Variants in ABCC1 observed in about 807,000 individuals in gnomAD.
ABCC1 encodes multidrug resistance-associated protein 1.
A neutral mutation model predicts 172.9 loss-of-function variants in ABCC1; 83 were observed. The observed-to-expected ratio is 0.48, with a 90% CI of 0.40 to 0.58. The LOEUF is 0.58. Ranked by LOEUF, ABCC1 falls within the 20% of genes least tolerant of loss-of-function variation. The probability of loss-of-function intolerance (pLI) is 0.00; values close to 1 mark genes in which losing one functional copy is unlikely to be tolerated. For synonymous variants in ABCC1, 937 were observed against 825.2 expected (o/e 1.14, Z -2.32); for missense variants, 1,817 against 2,002.7 (o/e 0.91, Z 1.77).
intron 22 of ABCC1, among the ~76,000 whole-genome samples, chr16:16,113,807 G>T (rs1223643749): frequency 6.6e-6 from 1 of 152,232 alleles, no homozygotes; most frequent in African/African-American, 2.4e-5. Flanking sequence ...CATGGAAATG[G>T]TGGGTGGTGA....
chr16:16,028,741 G>T (rs948181681), intron 5 of ABCC1, among the ~76,000 whole-genome samples: 2 of 152,144 alleles, frequency 1.3e-5, no homozygotes, highest in African/African-American at 4.8e-5. Context: ...GCAGTCCCGG[G>T]GGATAGGTCG....
At chr16:16,075,580 G>A (rs1046010306) in intron 14 of ABCC1, among the ~76,000 whole-genome samples, 10 of 152,150 alleles carry the variant, frequency 6.6e-5, no homozygotes, top group African/African-American at 1.2e-4. Flanking sequence ...GCAGTAGGCC[G>A]AGATCGCACC....
At chr16:16,119,862 G>A (rs1380868839) in intron 23 of ABCC1, among the ~76,000 whole-genome samples, 1 of 152,172 alleles carries the variant, frequency 6.6e-6, no homozygotes, top group Non-Finnish European at 1.5e-5. Flanking sequence ...AGGAGATGTG[G>A]TCCAGGGTAA....
chr16:16,134,623 T>TTA, intron 28 of ABCC1, 115 bp downstream of exon 28: 2 of 535,054 alleles, frequency 3.7e-6, no homozygotes, highest in Non-Finnish European at 5.5e-6. Context: ...TACTTCATCG[T>TTA]TCTTTTTTTT....
chr16:16,045,750 G>A lies in ABCC1; in HGVS notation c.1041-86G>A, dbSNP rs760965035. On this transcript the variant is annotated intron_variant, in intron 8 of 30. Coordinates refer to ENST00000399410, the MANE Select transcript of ABCC1 (RefSeq NM_004996.4). ...AGTGTCTAGCTCATCTGGCTCAGGAGAAAGTTGCAGTGCCAACACTGAAGC... is the reference window on the plus strand; with the variant it reads ...AGTGTCTAGCTCATCTGGCTCAGGAAAAAGTTGCAGTGCCAACACTGAAGC... 1,863 of 1,333,076 alleles carry A rather than the reference G, an allele frequency of 1.4e-3. 4 individuals carry two copies. Among genetic ancestry groups the A allele is most frequent in the Non-Finnish European group, 1.8e-3 (1,702 of 955,984 alleles). The allele number at this position is 1,333,076 out of a possible 1,614,324, so 82.6% of individuals were successfully genotyped here.
At chr16:16,107,155 G>C (rs1444011797) in intron 21 of ABCC1, among the ~76,000 whole-genome samples, 1 of 152,180 alleles carries the variant, frequency 6.6e-6, no homozygotes, top group Non-Finnish European at 1.5e-5. Context: ...GCTCAGGGGG[G>C]TCTCATTCGC....
intron 29 of ABCC1, among the ~76,000 whole-genome samples, chr16:16,137,130 G>A (rs1157428265): frequency 1.3e-5 from 2 of 152,156 alleles, no homozygotes; most frequent in African/African-American, 4.8e-5. Flanking sequence ...TCTGTTATCC[G>A]TCTCCATGAC....
intron 5 of ABCC1, 103 bp downstream of exon 5, chr16:16,016,724 G>T: frequency 6.6e-7 from 1 of 1,507,010 alleles, no homozygotes; most frequent in Non-Finnish European, 9.0e-7. Context: ...TCTCGTTCCA[G>T]CCTCCCTCAA....
At chr16:16,046,123 T>A in intron 9 of ABCC1, 110 bp downstream of exon 9, 1 of 1,262,480 alleles carries the variant, frequency 7.9e-7, no homozygotes, top group Non-Finnish European at 1.1e-6. Flanking sequence ...TCTGGAGCAG[T>A]AGGATGAGGG....
At chr16:15,954,079 T>C (rs1342463908) in intron 1 of ABCC1, among the ~76,000 whole-genome samples, 1 of 146,640 alleles carries the variant, frequency 6.8e-6, no homozygotes, top group East Asian at 2.0e-4. Flanking sequence ...GTGATCTCGG[T>C]TCACTACAAC....
intron 10 of ABCC1, 93 bp downstream of exon 10, chr16:16,048,396 T>G: frequency 7.0e-7 from 1 of 1,429,098 alleles, no homozygotes; most frequent in South Asian, 1.3e-5. Context: ...GGTAATGGCA[T>G]GTAGAGCTCC....
At chr16:15,999,216 A>G (rs1567297935) in intron 1 of ABCC1, among the ~76,000 whole-genome samples, 1 of 151,706 alleles carries the variant, frequency 6.6e-6, no homozygotes, top group Non-Finnish European at 1.5e-5. Context: ...CGTGTTAGCC[A>G]GGATGGTCTC....
intron 21 of ABCC1, among the ~76,000 whole-genome samples, chr16:16,107,791 G>A (rs2052199266): frequency 6.6e-6 from 1 of 151,162 alleles, no homozygotes; most frequent in Non-Finnish European, 1.5e-5. Flanking sequence ...GTGATCCAAA[G>A]TTTATTTTTA....
chr16:16,030,804 A>G (rs538540461), intron 5 of ABCC1, among the ~76,000 whole-genome samples: 1 of 152,056 alleles, frequency 6.6e-6, no homozygotes, highest in Non-Finnish European at 1.5e-5. Flanking sequence ...CGCACCCAGA[A>G]CCAGCTTAAT....
rs183926237 is a variant in ABCC1 at position 16,142,654 on chromosome 16, A to G, written c.*1373A>G. The G allele has an allele frequency of 5.3e-5, 8 of 152,208 alleles. No individual in the cohort carries two copies. The East Asian group carries it at 1.5e-3, about 29-fold the overall frequency. 9.4% of individuals were successfully genotyped at this position (152,208 alleles called of 1,614,324 possible). A position where few individuals can be genotyped will look rare whatever the true frequency, so the allele number is the denominator to read the frequency against. On this transcript the variant is annotated 3_prime_UTR_variant, in exon 31 of 31. Transcript: ENST00000399410. ...GGAGAAAAACAGTCTCAAAACTTGAACTTCTTGGGAATAGAAGTGTTGGGC... is the reference window on the plus strand; with the variant it reads ...GGAGAAAAACAGTCTCAAAACTTGAGCTTCTTGGGAATAGAAGTGTTGGGC...
chr16:16,116,749 G>A (rs952399699), intron 23 of ABCC1, among the ~76,000 whole-genome samples: 2 of 151,950 alleles, frequency 1.3e-5, no homozygotes, highest in African/African-American at 2.4e-5. Context: ...TAGTAGAGAC[G>A]AGGTTTCACC....
intron 18 of ABCC1, among the ~76,000 whole-genome samples, chr16:16,088,126 TG>T (rs1230169994): frequency 2.1e-4 from 19 of 92,504 alleles, no homozygotes; most frequent in African/African-American, 8.8e-4. Flanking sequence ...TGTGTATGCG[TG>T]TGTGTGTGTG....
At chr16:16,128,109 A>G (rs1050633016) in intron 26 of ABCC1, among the ~76,000 whole-genome samples, 1 of 151,324 alleles carries the variant, frequency 6.6e-6, no homozygotes, top group African/African-American at 2.4e-5. Flanking sequence ...AGTTTTTATA[A>G]TAGCCTCATT....
intron 3 of ABCC1, among the ~76,000 whole-genome samples, chr16:16,012,443 G>A (rs1057002821): frequency 9.9e-5 from 15 of 151,820 alleles, no homozygotes; most frequent in Non-Finnish European, 1.8e-4. Context: ...TCCTGAATTC[G>A]GGTCTTGGGC....
Sources: gnomAD v4.1 joint callset for allele counts (sites outside exome capture counted in the v4.1 genomes callset) on GRCh38, gnomAD v4.1.1 for gene constraint, MANE v1.5 for transcripts, NCBI Gene and HGNC (gene_info 2026-07-23, HGNC 2026-07-21) for gene names.